CFTR: variants seen among roughly 807,000 people sequenced by gnomAD.
CFTR encodes the protein CF transmembrane conductance regulator.
In CFTR, 181 loss-of-function variants were observed where a neutral mutation model predicts 171.6. That is an observed-to-expected ratio of 1.05 (90% confidence interval 0.93 to 1.19). CFTR has a LOEUF of 1.19. CFTR is among the 50% of genes most tolerant of loss of function. The pLI, the probability that CFTR is intolerant of heterozygous loss-of-function variation, is 0.00. For synonymous variants in CFTR, 583 were observed against 608.0 expected, an observed-to-expected ratio of 0.96 and a Z score of 0.60; for missense variants, 1,968 against 1,734.7, an observed-to-expected ratio of 1.13 and a Z score of -2.39.
chr7:117,514,351 C>G (rs1562885438), intron 3 of CFTR, among the ~76,000 whole-genome samples: 1 of 152,090 alleles, frequency 6.6e-6, no homozygotes, highest in African/African-American at 2.4e-5. Flanking sequence ...TTGTTCCCCT[C>G]TCTGGGTCCA....
chr7:117,494,280 A>G (rs1287308581), intron 1 of CFTR, among the ~76,000 whole-genome samples: 1 of 152,062 alleles, frequency 6.6e-6, no homozygotes, highest in Non-Finnish European at 1.5e-5. Context: ...AGTCGATTCA[A>G]GGCAGTAACT....
At chr7:117,507,618 TGA>T (rs1179161292) in intron 2 of CFTR, among the ~76,000 whole-genome samples, 1 of 152,044 alleles carries the variant, frequency 6.6e-6, no homozygotes, top group South Asian at 2.1e-4. Context: ...GCTCTGTGTG[TGA>T]GAGAAAGGTG....
chr7:117,536,213 C>G (rs1798952894), intron 6 of CFTR, among the ~76,000 whole-genome samples: 1 of 152,030 alleles, frequency 6.6e-6, no homozygotes. Flanking sequence ...TGTTTGAATC[C>G]CAGATTGCAT....
At chr7:117,599,215 C>G (rs1792185236) in intron 15 of CFTR, among the ~76,000 whole-genome samples, 1 of 152,070 alleles carries the variant, frequency 6.6e-6, no homozygotes, top group African/African-American at 2.4e-5. Flanking sequence ...TTAACCAACC[C>G]TTTATAATTG....
At chr7:117,580,928 G>A (rs1791840393) in intron 11 of CFTR, among the ~76,000 whole-genome samples, 1 of 152,022 alleles carries the variant, frequency 6.6e-6, no homozygotes, top group African/African-American at 2.4e-5. Context: ...TTTTACTGCT[G>A]AAACATATTC....
chr7:117,627,871 T>C, intron 22 of CFTR, 101 bp downstream of exon 22: 1 of 1,201,268 alleles, frequency 8.3e-7, no homozygotes, highest in Non-Finnish European at 1.2e-6. Context: ...AACATTATTA[T>C]TGTACAGTAG....
At position 117,592,570 on chromosome 7, in the gene CFTR, C is replaced by G. The variant is rs752093682; in HGVS notation, c.2403C>G (p.Asn801Lys). ...TRKVSLAPQANLTELDIYSRR... is the reference protein window; with the variant it reads ...TRKVSLAPQAKLTELDIYSRR... The stretch of plus-strand genomic sequence containing the variant: ...AAGTGTCACTGGCCCCTCAGGCAAA[C>G]TTGACTGAACTGGATATATATTCAA... The change falls in exon 14 of 27, where the codon AAC (asparagine) becomes AAG (lysine). Residue 801 changes from asparagine to lysine, a missense_variant. Coordinates refer to ENST00000003084, the MANE Select transcript of CFTR (RefSeq NM_000492.4). 3.9e-6 allele frequency: 6 copies of G among 1,522,970 alleles called. No homozygotes were observed. Among genetic ancestry groups the G allele is most frequent in the Non-Finnish European group, 5.3e-6 (6 of 1,139,162 alleles). The allele number at this position is 1,522,970 out of a possible 1,614,324, so 94.3% of individuals were successfully genotyped here.
At chr7:117,601,437 A>C (rs754163935) in intron 15 of CFTR, among the ~76,000 whole-genome samples, 1 of 152,134 alleles carries the variant, frequency 6.6e-6, no homozygotes. Context: ...TGATATGTGA[A>C]TTTAACTAAA....
intron 23 of CFTR, 78 bp from the exon 24 acceptor site, chr7:117,652,763 AT>A: frequency 1.4e-6 from 1 of 725,946 alleles, no homozygotes; most frequent in Non-Finnish European, 2.4e-6. Flanking sequence ...TACTTGAAAT[AT>A]TTTACAATAC....
rs146463120 is a variant in CFTR, at chr7:117,542,095, C to T, written c.1196C>T (p.Ala399Val). The change falls in exon 9 of 27, where the codon GCC (alanine) becomes GTC (valine). Residue 399 changes from alanine to valine, a missense_variant. Coordinates refer to ENST00000003084, the MANE Select transcript of CFTR (RefSeq NM_000492.4). ...GAAGTAGTGATGGAGAATGTAACAG[C>T]CTTCTGGGAGGAGGTCAGAATTTTT... ...TTEVVMENVT[A>V]FWEEGFGELF... 132 of 1,585,350 alleles carry T rather than the reference C, an allele frequency of 8.3e-5. 1 individual carries two copies. The East Asian group carries it at 1.9e-3, about 23-fold the overall frequency.
chr7:117,654,247 C>T (rs34637736), intron 24 of CFTR, among the ~76,000 whole-genome samples: 30,031 of 152,126 alleles, frequency 0.2, 3,363 homozygotes, highest in Non-Finnish European at 0.23. Context: ...GGGCATTGCC[C>T]TAATGTGGGC....
At chr7:117,617,750 C>A (rs1763231005) in intron 21 of CFTR, among the ~76,000 whole-genome samples, 1 of 152,036 alleles carries the variant, frequency 6.6e-6, no homozygotes. Flanking sequence ...TGGGATCTTT[C>A]TCATTAGCAT....
intron 11 of CFTR, chr7:117,564,929 C>T (rs1434213783): frequency 2.0e-5 from 3 of 152,380 alleles, no homozygotes; most frequent in East Asian, 3.9e-4. Flanking sequence ...GGAGATAGTT[C>T]TGTGTTGATA....
intron 24 of CFTR, among the ~76,000 whole-genome samples, chr7:117,664,150 C>A (rs1272421689): frequency 6.6e-6 from 1 of 152,056 alleles, no homozygotes; most frequent in Non-Finnish European, 1.5e-5. Flanking sequence ...TAAAAAACCC[C>A]ACAGTTGACT....
At chr7:117,484,122 G>T (rs943290819) in intron 1 of CFTR, among the ~76,000 whole-genome samples, 1 of 152,174 alleles carries the variant, frequency 6.6e-6, no homozygotes, top group South Asian at 2.1e-4. Context: ...TTTGCAGTTT[G>T]TTGAGGGTGT....
intron 1 of CFTR, among the ~76,000 whole-genome samples, chr7:117,485,901 G>T (rs1798066711): frequency 6.6e-6 from 1 of 152,056 alleles, no homozygotes; most frequent in Admixed American, 6.6e-5. Context: ...ATTTAATAAA[G>T]ATTTTTTTGT....
intron 8 of CFTR, among the ~76,000 whole-genome samples, chr7:117,541,262 A>AG (rs2115879615): frequency 6.6e-6 from 1 of 151,938 alleles, no homozygotes; most frequent in East Asian, 1.9e-4. Flanking sequence ...GAGAGAGAGA[A>AG]AGAAAGAAGA....
intron 1 of CFTR, among the ~76,000 whole-genome samples, chr7:117,488,997 T>A (rs574136129): frequency 2.0e-4 from 30 of 152,238 alleles, no homozygotes; most frequent in African/African-American, 6.5e-4. Context: ...CAAGGTTGAC[T>A]CTTAAATAAA....
intron 3 of CFTR, among the ~76,000 whole-genome samples, chr7:117,509,704 A>C (rs1467519178): frequency 6.6e-6 from 1 of 152,184 alleles, no homozygotes; most frequent in Admixed American, 6.5e-5. Flanking sequence ...GAAAAGTTGC[A>C]CACCTGAAAA....
Sources: gnomAD v4.1 joint callset for allele counts (sites outside exome capture counted in the v4.1 genomes callset) on GRCh38, gnomAD v4.1.1 for gene constraint, MANE v1.5 for transcripts, NCBI Gene and HGNC (gene_info 2026-07-23, HGNC 2026-07-21) for gene names.